CLSTN2: variants seen among roughly 807,000 people sequenced by gnomAD.
CLSTN2 encodes calsyntenin 2.
Under a neutral mutation model 101.2 loss-of-function variants are expected in CLSTN2, and 48 were observed. The observed-to-expected ratio is 0.47, with a 90% CI of 0.38 to 0.60. The LOEUF (loss-of-function observed/expected upper bound fraction) is 0.60, where lower values mean the gene tolerates loss of function less well. Ranked by LOEUF, CLSTN2 falls within the 20% of genes least tolerant of loss-of-function variation. The pLI, the probability that CLSTN2 is intolerant of heterozygous loss-of-function variation, is 0.00. For missense variants in CLSTN2, 1,160 were observed against 1,238.2 expected (o/e 0.94, Z 0.95); for synonymous variants, 481 against 463.6 (o/e 1.04, Z -0.48).
chr3:140,108,721 GTTT>G (rs1276624131), intron 1 of CLSTN2, among the ~76,000 whole-genome samples: 1 of 152,068 alleles, frequency 6.6e-6, no homozygotes, highest in South Asian at 2.1e-4. Flanking sequence ...ATTTTGTTTT[GTTT>G]TGTTGTATTT....
At chr3:140,369,321 G>A (rs1188241593) in intron 2 of CLSTN2, among the ~76,000 whole-genome samples, 1 of 152,186 alleles carries the variant, frequency 6.6e-6, no homozygotes, top group Non-Finnish European at 1.5e-5. Context: ...TCAACAATAA[G>A]AAAATAAGAG....
rs1184545764 is a variant in CLSTN2 at position 140,526,600 on chromosome 3, A to C, written c.1345-5724A>C. Among the ~76,000 whole-genome samples the C allele has an allele frequency of 8.0e-5, 12 of 149,076 alleles. 1 individual carries two copies. The highest frequency in any genetic ancestry group is 3.1e-4 in the African/African-American group (12 of 39,128). ...ATATGAAACAAACAAACAAACAAAA[A>C]AAAAAAACAACCACAGCAATACTGA... On this transcript the variant is annotated intron_variant, in intron 8 of 16. Coordinates refer to ENST00000458420, the MANE Select transcript of CLSTN2 (RefSeq NM_022131.3).
intron 2 of CLSTN2, among the ~76,000 whole-genome samples, chr3:140,244,099 C>T (rs1559817340): frequency 6.6e-6 from 1 of 152,172 alleles, no homozygotes; most frequent in East Asian, 1.9e-4. Flanking sequence ...AGGGAAGAAG[C>T]GCTTGCATCT....
chr3:140,292,461 T>G (rs868838190), intron 2 of CLSTN2, among the ~76,000 whole-genome samples: 15 of 152,210 alleles, frequency 9.9e-5, no homozygotes, highest in Admixed American at 5.9e-4. Context: ...CATTACTGTG[T>G]CCTGAGTGAC....
intron 8 of CLSTN2, among the ~76,000 whole-genome samples, chr3:140,495,592 T>C (rs1337841159): frequency 6.6e-6 from 1 of 152,220 alleles, no homozygotes; most frequent in Non-Finnish European, 1.5e-5. Flanking sequence ...TTTCATAGTT[T>C]TGGGTTTTAC....
intron 1 of CLSTN2, among the ~76,000 whole-genome samples, chr3:140,159,235 G>T (rs1576449794): frequency 6.6e-6 from 1 of 152,076 alleles, no homozygotes; most frequent in Non-Finnish European, 1.5e-5. Flanking sequence ...AGAATAAGCA[G>T]ATATCCTACA....
chr3:140,459,480 G>T (rs534523593), intron 6 of CLSTN2, 41 bp from the exon 7 acceptor site: 1 of 1,605,860 alleles, frequency 6.2e-7, no homozygotes, highest in Non-Finnish European at 8.5e-7. Flanking sequence ...TGAGGACACC[G>T]CATCATGACC....
Position 140,390,544 on chromosome 3 carries a change from G to A in CLSTN2, c.233-13085G>A, listed in dbSNP as rs918243754. Among the ~76,000 whole-genome samples the A allele has an allele frequency of 3.3e-5, 5 of 152,162 alleles. No individual in the cohort carries two copies. The East Asian group carries it at 5.8e-4, about 18-fold the overall frequency. On this transcript the variant is annotated intron_variant, in intron 2 of 16. Coordinates refer to ENST00000458420, the MANE Select transcript of CLSTN2 (RefSeq NM_022131.3). ...CATATGGTCTTTATGAACATAACATGTGAGATAGAAATAAATGTGAATTCT... is the reference window on the plus strand; with the variant it reads ...CATATGGTCTTTATGAACATAACATATGAGATAGAAATAAATGTGAATTCT...
At chr3:140,041,568 G>C (rs1399017033) in intron 1 of CLSTN2, among the ~76,000 whole-genome samples, 2 of 152,228 alleles carry the variant, frequency 1.3e-5, no homozygotes, top group Non-Finnish European at 2.9e-5. Flanking sequence ...CTGTCATTTT[G>C]GACTTATCTC....
intron 2 of CLSTN2, among the ~76,000 whole-genome samples, chr3:140,283,892 T>C (rs976785078): frequency 4.6e-5 from 7 of 152,208 alleles, no homozygotes; most frequent in Non-Finnish European, 8.8e-5. Flanking sequence ...ATGACTTGTT[T>C]AGGAAATTGA....
At chr3:140,414,294 C>T (rs1227054512) in intron 4 of CLSTN2, among the ~76,000 whole-genome samples, 2 of 151,920 alleles carry the variant, frequency 1.3e-5, no homozygotes, top group East Asian at 1.9e-4. Context: ...TTTACAATAG[C>T]ATCAAAAGAA....
At chr3:140,539,679 GC>G (rs1298337801) in intron 9 of CLSTN2, among the ~76,000 whole-genome samples, 1 of 152,198 alleles carries the variant, frequency 6.6e-6, no homozygotes, top group African/African-American at 2.4e-5. Flanking sequence ...CGCAGCCAGT[GC>G]AGTGCTGAGC....
intron 2 of CLSTN2, among the ~76,000 whole-genome samples, chr3:140,401,291 T>A (rs1177032371): frequency 6.6e-6 from 1 of 152,260 alleles, no homozygotes; most frequent in Non-Finnish European, 1.5e-5. Context: ...TTGTCCTTTT[T>A]ACTTGTCTGT....
chr3:140,232,874 T>A, intron 2 of CLSTN2, among the ~76,000 whole-genome samples: 1 of 152,130 alleles, frequency 6.6e-6, no homozygotes, highest in East Asian at 1.9e-4. Context: ...TGTCACTAGC[T>A]TAGTTCAGAA....
chr3:140,403,891 C>T lies in CLSTN2; in HGVS notation c.428+67C>T. ...GTGCCCACCCCACTTCATTCACATG[C>T]TGCTCTTCAGATATGTTTACCCTCT... On this transcript the variant is annotated intron_variant, in intron 3 of 16. Coordinates refer to ENST00000458420, the MANE Select transcript of CLSTN2 (RefSeq NM_022131.3). 6 of 1,281,636 alleles carry T rather than the reference C, an allele frequency of 4.7e-6. No individual in the cohort carries two copies. The South Asian group carries it at 8.2e-5, about 18-fold the overall frequency. 79.4% of individuals were successfully genotyped at this position (1,281,636 alleles called of 1,614,324 possible).
chr3:140,081,843 C>G (rs2008604613), intron 1 of CLSTN2, among the ~76,000 whole-genome samples: 1 of 152,182 alleles, frequency 6.6e-6, no homozygotes, highest in Admixed American at 6.5e-5. Flanking sequence ...AATTCAAAAG[C>G]TGTTTGACCT....
At chr3:140,521,024 T>C (rs1935013760) in intron 8 of CLSTN2, among the ~76,000 whole-genome samples, 1 of 151,762 alleles carries the variant, frequency 6.6e-6, no homozygotes, top group Admixed American at 6.6e-5. Flanking sequence ...CATATCGTTT[T>C]ATCATGATTT....
chr3:140,330,042 CT>C (rs1313484316), intron 2 of CLSTN2, among the ~76,000 whole-genome samples: 1 of 152,158 alleles, frequency 6.6e-6, no homozygotes, highest in Non-Finnish European at 1.5e-5. Flanking sequence ...ATGATGCTGG[CT>C]GCTTCAGGGG....
At chr3:139,990,315 C>T (rs145708945) in intron 1 of CLSTN2, among the ~76,000 whole-genome samples, 124 of 152,122 alleles carry the variant, frequency 8.2e-4, no homozygotes, top group African/African-American at 2.7e-3. Context: ...TGGATGGTGG[C>T]GTAGGTGGGA....
Sources: gnomAD v4.1 joint callset for allele counts (sites outside exome capture counted in the v4.1 genomes callset) on GRCh38, gnomAD v4.1.1 for gene constraint, MANE v1.5 for transcripts, NCBI Gene and HGNC (gene_info 2026-07-23, HGNC 2026-07-21) for gene names.